CDK5RAP2: variants seen among roughly 807,000 people sequenced by gnomAD.
CDK5RAP2 encodes the protein CDK5 regulatory subunit-associated protein 2.
CDK5RAP2 carries 147 observed loss-of-function variants against 232.9 expected under a neutral mutation model. The ratio of observed to expected loss-of-function variants is 0.63; its 90% CI spans 0.55 to 0.72. CDK5RAP2 has a LOEUF of 0.72. CDK5RAP2 is among the 30% of genes least tolerant of loss of function. The pLI is 0.00. For synonymous variants in CDK5RAP2, 833 were observed against 833.7 expected (o/e 1.00, Z 0.01); for missense variants, 2,195 against 2,231.5 (o/e 0.98, Z 0.33).
chr9:120,425,834 TAC>T (rs1202809503), intron 25 of CDK5RAP2, among the ~76,000 whole-genome samples: 2 of 152,200 alleles, frequency 1.3e-5, no homozygotes, highest in Non-Finnish European at 2.9e-5. Flanking sequence ...ACACTGAGGA[TAC>T]AGAGATGAAT....
In CDK5RAP2 at chr9:120,491,368, T is replaced by C. The variant is rs765403107; in HGVS notation, c.1421A>G (p.Asn474Ser). The part of the protein sequence containing the change: ...LLSESNKKLH[N>S]QEQVIKHLTE... The stretch of plus-strand genomic sequence containing the variant: ...TAGATGTTTGATCACTTGCTCTTGA[T>C]TGTGCAATTTTTTATTGCTTTCACT... Residue 474 changes from asparagine (N) to serine (S), a missense_variant, in exon 13 of 38, where the codon AAT (asparagine) becomes AGT (serine). Transcript: ENST00000349780. The C allele has an allele frequency of 1.6e-5, 26 of 1,613,322 alleles. No homozygotes were observed. The highest frequency in any genetic ancestry group is 1.3e-5 in the African/African-American group (1 of 74,928).
At chr9:120,487,153 ACTC>A in intron 14 of CDK5RAP2, 138 bp downstream of exon 14, 1 of 864,658 alleles carries the variant, frequency 1.2e-6, no homozygotes, top group Non-Finnish European at 2.0e-6. Context: ...TAGGCTAAGA[ACTC>A]CTCCTCCTAC....
At chr9:120,571,010 T>C (rs1307990235) in intron 2 of CDK5RAP2, among the ~76,000 whole-genome samples, 1 of 152,068 alleles carries the variant, frequency 6.6e-6, no homozygotes, top group Non-Finnish European at 1.5e-5. Flanking sequence ...AATACAAAAA[T>C]TAGCCAGGTG....
At chr9:120,503,393 A>G in intron 12 of CDK5RAP2, among the ~76,000 whole-genome samples, 1 of 152,222 alleles carries the variant, frequency 6.6e-6, no homozygotes, top group Non-Finnish European at 1.5e-5. Context: ...GAGTGCTGCC[A>G]TGGCAACACA....
At chr9:120,476,522 G>A (rs1336233842) in intron 15 of CDK5RAP2, among the ~76,000 whole-genome samples, 1 of 151,762 alleles carries the variant, frequency 6.6e-6, no homozygotes, top group African/African-American at 2.4e-5. Context: ...TACTAAAAAT[G>A]CAAAAAATTA....
At chr9:120,544,653 T>C (rs2041766390) in intron 5 of CDK5RAP2, among the ~76,000 whole-genome samples, 1 of 152,342 alleles carries the variant, frequency 6.6e-6, no homozygotes, top group East Asian at 1.9e-4. Context: ...GCAGGAACTC[T>C]ATTGCCAGGA....
chr9:120,468,099 A>C (rs2037487374), intron 17 of CDK5RAP2, 102 bp from the exon 18 acceptor site: 1 of 1,145,664 alleles, frequency 8.7e-7, no homozygotes, highest in Non-Finnish European at 1.3e-6. Context: ...CTTTGGCACC[A>C]CAGTTACGGG....
At chr9:120,454,616 T>G (rs145822971) in intron 20 of CDK5RAP2, among the ~76,000 whole-genome samples, 2 of 152,236 alleles carry the variant, frequency 1.3e-5, no homozygotes, top group African/African-American at 2.4e-5. Context: ...CCCATAGACA[T>G]AGTCCCACCT....
intron 11 of CDK5RAP2, among the ~76,000 whole-genome samples, chr9:120,519,686 T>C (rs991909827): frequency 2.6e-5 from 4 of 152,258 alleles, no homozygotes; most frequent in African/African-American, 9.6e-5. Context: ...AGTATCTCAA[T>C]ACTGTTATGT....
At chr9:120,570,049 A>G (rs138572144) in intron 2 of CDK5RAP2, among the ~76,000 whole-genome samples, 1 of 152,256 alleles carries the variant, frequency 6.6e-6, no homozygotes, top group Non-Finnish European at 1.5e-5. Flanking sequence ...CTTTGAGCTG[A>G]GTCTTAAAGA....
intron 8 of CDK5RAP2, among the ~76,000 whole-genome samples, chr9:120,529,190 C>T (rs2131910438): frequency 6.6e-6 from 1 of 152,308 alleles, no homozygotes; most frequent in African/African-American, 2.4e-5. Context: ...GAGCACAGGC[C>T]CTGCTCCATG....
In CDK5RAP2 at chr9:120,415,070, A is replaced by G; in HGVS notation, c.4267T>C (p.Leu1423=). Residue 1423 remains leucine, a synonymous_variant, in exon 28 of 38, where the codon TTG becomes CTG. Coordinates refer to ENST00000349780, the MANE Select transcript of CDK5RAP2 (RefSeq NM_018249.6). ...ACAAATTCAGATCCTTGCCGTTCCAACTGTTTCCGTAGCTTCTCATTTGTT... is the reference window on the plus strand; with the variant it reads ...ACAAATTCAGATCCTTGCCGTTCCAGCTGTTTCCGTAGCTTCTCATTTGTT... ...IKTNEKLRKQ[L]ERQGSEFVQG... is the part of the protein sequence containing the mutation. 6.2e-7 allele frequency: 1 copy of G among 1,614,214 alleles called. No individual in the cohort carries two copies. The highest frequency in any genetic ancestry group is 1.1e-5 in the South Asian group (1 of 91,086).
chr9:120,425,591 C>T (rs746568276), intron 25 of CDK5RAP2, among the ~76,000 whole-genome samples: 3 of 152,156 alleles, frequency 2.0e-5, no homozygotes, highest in Non-Finnish European at 2.9e-5. Context: ...ACTGGTTGAC[C>T]CAACTTCACT....
intron 25 of CDK5RAP2, among the ~76,000 whole-genome samples, chr9:120,436,007 G>A (rs1384691780): frequency 1.3e-5 from 2 of 152,128 alleles, no homozygotes; most frequent in African/African-American, 4.8e-5. Context: ...AGTTTGAAGA[G>A]GAAGAGAATA....
chr9:120,461,687 C>T lies in CDK5RAP2; in HGVS notation c.2107-1020G>A, dbSNP rs926591227. On this transcript the variant is annotated intron_variant, in intron 18 of 37. Coordinates refer to ENST00000349780, the MANE Select transcript of CDK5RAP2 (RefSeq NM_018249.6). Reference sequence around the variant, plus strand: ...GAGACACCTGTCTCTACAAAAAACACAAAAATTCGCCGGGTGTGGTGGTAC... The same window carrying T: ...GAGACACCTGTCTCTACAAAAAACATAAAAATTCGCCGGGTGTGGTGGTAC... Among the ~76,000 whole-genome samples, 11 of 152,076 alleles carry T rather than the reference C, an allele frequency of 7.2e-5. No individual in the cohort carries two copies. In the South Asian group the frequency reaches 1.9e-3, roughly 26 times the overall value.
intron 5 of CDK5RAP2, among the ~76,000 whole-genome samples, chr9:120,543,626 A>G (rs2041726706): frequency 6.6e-6 from 1 of 152,162 alleles, no homozygotes; most frequent in African/African-American, 2.4e-5. Flanking sequence ...TGGGAGGCTG[A>G]GGTGGGCGGA....
At chr9:120,411,586 C>T in intron 28 of CDK5RAP2, 112 bp from the exon 29 acceptor site, 1 of 698,802 alleles carries the variant, frequency 1.4e-6, no homozygotes, top group Non-Finnish European at 2.6e-6. Flanking sequence ...CAATGAAAAT[C>T]CCTCCTGTTA....
chr9:120,510,518 C>A (rs1045442904), intron 12 of CDK5RAP2, among the ~76,000 whole-genome samples: 2 of 152,136 alleles, frequency 1.3e-5, no homozygotes, highest in African/African-American at 4.8e-5. Flanking sequence ...AGAGAGTGCA[C>A]CTAAAATAAA....
intron 5 of CDK5RAP2, among the ~76,000 whole-genome samples, chr9:120,539,547 A>G (rs2041539570): frequency 1.3e-5 from 2 of 152,270 alleles, no homozygotes; most frequent in South Asian, 4.1e-4. Flanking sequence ...TATGAAATGT[A>G]CTATAGTTTA....
Sources: allele counts gnomAD v4.1 joint callset (sites outside exome capture counted in the v4.1 genomes callset), GRCh38; gene constraint gnomAD v4.1.1; transcripts MANE v1.5; gene names NCBI Gene and HGNC (gene_info 2026-07-23, HGNC 2026-07-21).